The following PARVB variants were observed in gnomAD, a reference collection of about 807,000 sequenced individuals.
PARVB encodes the protein parvin beta, also known as beta-parvin.
In PARVB, 46 loss-of-function variants were observed where a neutral mutation model predicts 47.0. The observed-to-expected ratio is 0.98, with a 90% CI of 0.77 to 1.25. The LOEUF is 1.25. PARVB is among the 50% of genes most tolerant of loss of function. The probability of loss-of-function intolerance (pLI) is 0.00; values close to 1 mark genes in which losing one functional copy is unlikely to be tolerated. For synonymous variants in PARVB, 196 were observed against 196.3 expected, an observed-to-expected ratio of 1.00 and a Z score of 0.01; for missense variants, 473 against 471.6, an observed-to-expected ratio of 1.00 and a Z score of -0.03.
chr22:44,071,101 G>T (rs920753990), intron 1 of PARVB, among the ~76,000 whole-genome samples: 3 of 152,278 alleles, frequency 2.0e-5, no homozygotes, highest in East Asian at 3.9e-4. Context: ...GGCCAGTGTG[G>T]GGTGTGGGGG....
intron 3 of PARVB, among the ~76,000 whole-genome samples, chr22:44,101,366 C>T (rs1157622147): frequency 8.6e-5 from 13 of 151,344 alleles, no homozygotes; most frequent in East Asian, 3.9e-4. Flanking sequence ...GCCGAGATCG[C>T]GCCACTGCAC....
intron 8 of PARVB, chr22:44,147,655 C>T (rs182012078): frequency 1.6e-5 from 12 of 741,664 alleles, no homozygotes; most frequent in Non-Finnish European, 2.7e-5. Context: ...CTGGTTGTTC[C>T]CAAGCGCTCT....
At chr22:44,120,742 C>T (rs1421474007) in intron 4 of PARVB, among the ~76,000 whole-genome samples, 1 of 152,006 alleles carries the variant, frequency 6.6e-6, no homozygotes, top group Non-Finnish European at 1.5e-5. Flanking sequence ...GTGGGGTGAA[C>T]ATAGCTCACT....
At chr22:44,063,438 G>A (rs550754118) in intron 1 of PARVB, among the ~76,000 whole-genome samples, 30 of 152,202 alleles carry the variant, frequency 2.0e-4, no homozygotes, top group African/African-American at 7.0e-4. Context: ...TGTTGGCCAG[G>A]CTGGTCTCAA....
chr22:44,067,004 T>C (rs1266068369), intron 1 of PARVB, among the ~76,000 whole-genome samples: 1 of 152,078 alleles, frequency 6.6e-6, no homozygotes, highest in Non-Finnish European at 1.5e-5. Context: ...TATGTGCCAT[T>C]GTATCTGGCT....
chr22:44,148,005 T>C, intron 9 of PARVB, 83 bp downstream of exon 9: 1 of 1,053,892 alleles, frequency 9.5e-7, no homozygotes, highest in East Asian at 2.4e-5. Flanking sequence ...GGGAAGAAGG[T>C]GGGAAAATGT....
In PARVB at chr22:44,155,248, C is replaced by T. The variant is rs946958821; in HGVS notation, c.844-2734C>T. Among the ~76,000 whole-genome samples, 16 of 152,142 alleles carry T rather than the reference C, an allele frequency of 1.1e-4. No individual in the cohort carries two copies. The highest frequency in any genetic ancestry group is 2.0e-4 in the Admixed American group (3 of 15,264). ...TGTGAGGACTGGGTGAGATGGCGCA[C>T]TGAGATCAAGTGGGCAGGGCTCGGC... On this transcript the variant is annotated intron_variant, in intron 10 of 12. Coordinates refer to ENST00000338758, the MANE Select transcript of PARVB (RefSeq NM_013327.5). The surrounding 1 kb of genome is among the most constrained non-coding windows in gnomAD (Gnocchi z 4.8).
In PARVB at chr22:44,028,327, T is replaced by A. The variant is rs376023010; in HGVS notation, c.112+3876T>A. ...TCATTTTTTTGTTTTGTTTTTTTGG[T>A]TTTTGTTTTTGTTTTTTTTACTGTA... On this transcript the variant is annotated intron_variant, in intron 1 of 12. Transcript: ENST00000338758. 9.2e-5 allele frequency among the ~76,000 whole-genome samples: 14 copies of A among 151,892 alleles called. 1 individual carries two copies. The South Asian group carries it at 1.0e-3, about 11-fold the overall frequency.
chr22:44,126,350 A>C (rs994753911), intron 4 of PARVB, among the ~76,000 whole-genome samples: 2 of 152,206 alleles, frequency 1.3e-5, no homozygotes, highest in Non-Finnish European at 2.9e-5. Context: ...CAATTTTATT[A>C]TTAAAAACGT....
intron 12 of PARVB, among the ~76,000 whole-genome samples, chr22:44,164,745 T>C (rs571127646): frequency 1.3e-4 from 20 of 152,278 alleles, no homozygotes; most frequent in Non-Finnish European, 2.6e-4. Flanking sequence ...GAGTCCCCCA[T>C]GGTGCTATAT....
intron 6 of PARVB, among the ~76,000 whole-genome samples, chr22:44,134,127 C>T (rs948828999): frequency 6.6e-6 from 1 of 151,972 alleles, no homozygotes; most frequent in Non-Finnish European, 1.5e-5. Context: ...TCGGGGAGGA[C>T]CTGGCTGTCA....
At chr22:44,032,196 C>T (rs1453109329) in intron 1 of PARVB, among the ~76,000 whole-genome samples, 2 of 152,168 alleles carry the variant, frequency 1.3e-5, no homozygotes, top group African/African-American at 2.4e-5. Context: ...ATACCTCAGG[C>T]TGACATATTC....
In PARVB at chr22:44,102,850, CA is replaced by C. The variant is rs968617853; in HGVS notation, c.273+2736del. 6.0e-5 allele frequency: 9 copies of C among 151,008 alleles called. No homozygotes were observed. The East Asian group carries it at 9.7e-4, about 16-fold the overall frequency. The allele number at this position is 151,008 out of a possible 1,614,324, so 9.4% of individuals were successfully genotyped here. A position where few individuals can be genotyped will look rare whatever the true frequency, so the allele number is the denominator to read the frequency against. ...TGGGTGACAGAGCAAGACCCTGTCT[CA>C]AAAAAAAAGACAGGTTTAAGTAACT... On this transcript the variant is annotated intron_variant, in intron 3 of 12. Coordinates refer to ENST00000338758, the MANE Select transcript of PARVB (RefSeq NM_013327.5).
intron 1 of PARVB, among the ~76,000 whole-genome samples, chr22:44,076,664 C>T (rs2051780761): frequency 6.6e-6 from 1 of 152,098 alleles, no homozygotes; most frequent in African/African-American, 2.4e-5. Context: ...TCCTGGGTCT[C>T]TGTGCACCCT....
chr22:44,021,222 T>C (rs1453168062), upstream of PARVB, among the ~76,000 whole-genome samples: 1 of 152,202 alleles, frequency 6.6e-6, no homozygotes, highest in Non-Finnish European at 1.5e-5. Context: ...CCTGTCTGTA[T>C]AGCATTTCTT....
chr22:44,021,318 G>A (rs574933635), upstream of PARVB, among the ~76,000 whole-genome samples: 1 of 152,144 alleles, frequency 6.6e-6, no homozygotes, highest in African/African-American at 2.4e-5. Context: ...ATTTCTCCAC[G>A]GCCAGCTCCA....
At chr22:44,069,115 C>T (rs745507196) in intron 1 of PARVB, 42 of 1,611,876 alleles carry the variant, frequency 2.6e-5, no homozygotes, top group Admixed American at 6.7e-5. Flanking sequence ...CGACGTCCGC[C>T]GGCTGTGCTG....
rs2054249931 is a variant in PARVB at position 44,169,973 on chromosome 22, G to A, written c.*1295G>A. 1 of 148,376 alleles carries A rather than the reference G, an allele frequency of 6.7e-6. No homozygotes were observed. Among genetic ancestry groups the A allele is most frequent in the Admixed American group, 6.6e-5 (1 of 15,114 alleles). 9.2% of individuals were successfully genotyped at this position (148,376 alleles called of 1,614,324 possible). The stretch of plus-strand genomic sequence containing the variant: ...CCTGCCTCAGCCTCCCAAAGTGTTG[G>A]GATTACAGGCGTGAGCCACTGTGCC... On this transcript the variant is annotated 3_prime_UTR_variant, in exon 13 of 13. Transcript: ENST00000338758.
chr22:44,105,797 A>T (rs1424516570), intron 3 of PARVB: 1 of 152,244 alleles, frequency 6.6e-6, no homozygotes, highest in Non-Finnish European at 1.5e-5. Flanking sequence ...GACAAGACAG[A>T]TGTGGTTGCT....
Sources: allele counts gnomAD v4.1 joint callset (sites outside exome capture counted in the v4.1 genomes callset), GRCh38; gene constraint gnomAD v4.1.1; non-coding constraint Gnocchi (gnomAD v3.1); transcripts MANE v1.5; gene names NCBI Gene and HGNC (gene_info 2026-07-23, HGNC 2026-07-21).